RGL1: variants seen among roughly 807,000 people sequenced by gnomAD.
RGL1 encodes ral guanine nucleotide dissociation stimulator like 1.
Under a neutral mutation model 95.2 loss-of-function variants are expected in RGL1, and 24 were observed. The ratio of observed to expected loss-of-function variants is 0.25; its 90% CI spans 0.18 to 0.35. RGL1 has a LOEUF of 0.35. Ranked by LOEUF, RGL1 falls within the 10% of genes least tolerant of loss-of-function variation. RGL1 has a pLI of 1.00. For synonymous variants in RGL1, 329 were observed against 344.9 expected, an observed-to-expected ratio of 0.95 and a Z score of 0.51; for missense variants, 715 against 936.3, an observed-to-expected ratio of 0.76 and a Z score of 3.08.
chr1:183,798,427 G>A (rs1206525022), intron 2 of RGL1, among the ~76,000 whole-genome samples: 1 of 152,030 alleles, frequency 6.6e-6, no homozygotes, highest in East Asian at 1.9e-4. Context: ...TTGGGGATAA[G>A]TATATTCCCA....
chr1:183,869,612 G>A (rs1356111484), intron 4 of RGL1, among the ~76,000 whole-genome samples: 1 of 151,998 alleles, frequency 6.6e-6, no homozygotes, highest in Non-Finnish European at 1.5e-5. Flanking sequence ...CCTTTCTTCT[G>A]TCTTTCTCAC....
chr1:183,692,331 C>T (rs1456332830), intron 1 of RGL1, among the ~76,000 whole-genome samples: 1 of 152,168 alleles, frequency 6.6e-6, no homozygotes, highest in African/African-American at 2.4e-5. Flanking sequence ...CCAGAAGTGG[C>T]TAGTGCACAG....
chr1:183,642,118 A>G (rs756706279), intron 1 of RGL1, among the ~76,000 whole-genome samples: 2 of 152,320 alleles, frequency 1.3e-5, no homozygotes, highest in African/African-American at 2.4e-5. Context: ...GAAGTCAACT[A>G]TCTAAGACTC....
rs138462995 is a variant in RGL1, at chr1:183,767,682, G to A, written c.132+25393G>A. Among the ~76,000 whole-genome samples the A allele has an allele frequency of 2.7e-4, 41 of 152,322 alleles. No homozygotes were observed. The East Asian group carries it at 6.9e-3, about 26-fold the overall frequency. On this transcript the variant is annotated intron_variant, in intron 2 of 18. Coordinates refer to the RGL1 transcript ENST00000304685. ...AAAAAAGAATTGCTGGCCGGGTATGGTGGCTCACACCTGTAATCCCAGCAC... is the reference window on the plus strand; with the variant it reads ...AAAAAAGAATTGCTGGCCGGGTATGATGGCTCACACCTGTAATCCCAGCAC...
intron 4 of RGL1, among the ~76,000 whole-genome samples, chr1:183,877,656 C>T (rs1666583482): frequency 6.6e-6 from 1 of 152,206 alleles, no homozygotes; most frequent in South Asian, 2.1e-4. Context: ...GTCCTCCTCC[C>T]CCTTCATTCC....
chr1:183,875,921 T>A (rs1465076428), intron 4 of RGL1, among the ~76,000 whole-genome samples: 1 of 149,968 alleles, frequency 6.7e-6, no homozygotes, highest in Non-Finnish European at 1.5e-5. Context: ...TTCATCATGC[T>A]CCTTTCCCCC....
intron 7 of RGL1, among the ~76,000 whole-genome samples, chr1:183,886,994 G>A (rs1009169058): frequency 2.6e-5 from 4 of 151,610 alleles, no homozygotes; most frequent in African/African-American, 4.8e-5. Flanking sequence ...TGTTCCATGT[G>A]TTTATTTCAA....
chr1:183,734,848 C>A (rs187594809), intron 1 of RGL1, among the ~76,000 whole-genome samples: 166 of 152,280 alleles, frequency 1.1e-3, no homozygotes, highest in African/African-American at 3.9e-3. Flanking sequence ...TTTTTGTGAT[C>A]TCAGCTCTGT....
At chr1:183,641,763 G>T (rs1649942738) in intron 1 of RGL1, among the ~76,000 whole-genome samples, 1 of 152,200 alleles carries the variant, frequency 6.6e-6, no homozygotes, top group Non-Finnish European at 1.5e-5. Flanking sequence ...GTTAGAGTGT[G>T]CTGCAAAACC....
chr1:183,865,866 A>G (rs1665797015), intron 3 of RGL1, 130 bp from the exon 4 acceptor site: 3 of 654,114 alleles, frequency 4.6e-6, no homozygotes, highest in Non-Finnish European at 8.2e-6. Flanking sequence ...TTTCAATGCT[A>G]TTTCATAGAT....
At chr1:183,655,495 TAGAA>T (rs1651091215) in intron 1 of RGL1, among the ~76,000 whole-genome samples, 1 of 152,242 alleles carries the variant, frequency 6.6e-6, no homozygotes, top group Non-Finnish European at 1.5e-5. Context: ...GAACTGAATT[TAGAA>T]AGCAAGCTTC....
In RGL1 at chr1:183,906,996, C is replaced by A; in HGVS notation, c.1473-16C>A. 6.7e-7 allele frequency: 1 copy of A among 1,499,380 alleles called. No homozygotes were observed. Among genetic ancestry groups the A allele is most frequent in the Non-Finnish European group, 9.3e-7 (1 of 1,076,890 alleles). 92.9% of individuals were successfully genotyped at this position (1,499,380 alleles called of 1,614,324 possible). A position where few individuals can be genotyped will look rare whatever the true frequency, so the allele number is the denominator to read the frequency against. ...TCTCTAACTTTGACCTCATGGAGCC[C>A]CCTTCTCTTTCTCAGCTATGCCCTG... is the stretch of plus-strand genomic sequence containing the variant. On this transcript the variant is annotated splice_polypyrimidine_tract_variant and intron_variant, in intron 13 of 17. Coordinates refer to ENST00000360851, the MANE Select transcript of RGL1 (RefSeq NM_001297671.3).
intron 2 of RGL1, among the ~76,000 whole-genome samples, chr1:183,763,047 A>C (rs1357784395): frequency 2.6e-5 from 4 of 152,236 alleles, no homozygotes; most frequent in African/African-American, 9.6e-5. Flanking sequence ...ATACCATGGA[A>C]TACTATGCAG....
rs931419667 is a variant in RGL1, at chr1:183,912,010, A to G, written c.1563-72A>G. 4 of 1,373,154 alleles carry G rather than the reference A, an allele frequency of 2.9e-6. No individual in the cohort carries two copies. In the African/African-American group the frequency reaches 5.7e-5, roughly 20 times the overall value. 85.1% of individuals were successfully genotyped at this position (1,373,154 alleles called of 1,614,324 possible). A position where few individuals can be genotyped will look rare whatever the true frequency, so the allele number is the denominator to read the frequency against. On this transcript the variant is annotated intron_variant, in intron 14 of 17. Coordinates refer to ENST00000360851, the MANE Select transcript of RGL1 (RefSeq NM_001297671.3). ...AAAAAACATCAAGGGCTTAATCAAC[A>G]CAAAATATTTGCCTAATCATGGATT...
intron 1 of RGL1, among the ~76,000 whole-genome samples, chr1:183,805,966 CTTTTCTTTTTTTTTTTTTTT>C (rs1661278012): frequency 4.6e-4 from 13 of 28,390 alleles, no homozygotes; most frequent in Admixed American, 7.8e-4. Flanking sequence ...TTTTTCTTTT[CTTTTCTTTTTTTTTTTTTTT>C]TTTTTTTTTT....
chr1:183,701,028 A>G (rs759632796), intron 1 of RGL1, among the ~76,000 whole-genome samples: 5 of 152,038 alleles, frequency 3.3e-5, no homozygotes, highest in Non-Finnish European at 5.9e-5. Context: ...TTCCTATGTT[A>G]GTTTGCTGAG....
intron 1 of RGL1, among the ~76,000 whole-genome samples, chr1:183,723,686 C>T (rs1656149077): frequency 6.6e-6 from 1 of 152,220 alleles, no homozygotes; most frequent in African/African-American, 2.4e-5. Flanking sequence ...CTCCCCACCA[C>T]AGGCTAAAGT....
chr1:183,709,368 T>G (rs1020059636), intron 1 of RGL1: 1 of 152,284 alleles, frequency 6.6e-6, no homozygotes, highest in Non-Finnish European at 1.5e-5. Flanking sequence ...GGATGAATGT[T>G]GGTTCCTCAG....
chr1:183,739,315 A>G (rs1385699379), intron 1 of RGL1, among the ~76,000 whole-genome samples: 2 of 152,224 alleles, frequency 1.3e-5, no homozygotes, highest in African/African-American at 2.4e-5. Context: ...GCTCTAGTCT[A>G]TGGAGGAAGG....
Sources: allele counts gnomAD v4.1 joint callset (sites outside exome capture counted in the v4.1 genomes callset), GRCh38; gene constraint gnomAD v4.1.1; transcripts MANE v1.5; gene names NCBI Gene and HGNC (gene_info 2026-07-23, HGNC 2026-07-21).